The following CDC42BPA variants were observed in gnomAD, a reference collection of about 807,000 sequenced individuals.
The protein encoded by CDC42BPA is CDC42 binding protein kinase alpha.
A neutral mutation model predicts 223.5 loss-of-function variants in CDC42BPA; 80 were observed. The ratio of observed to expected loss-of-function variants is 0.36; its 90% CI spans 0.30 to 0.43. The LOEUF (loss-of-function observed/expected upper bound fraction) is 0.43, where lower values mean the gene tolerates loss of function less well. Among genes scored for constraint, CDC42BPA ranks in the 20% least tolerant of loss-of-function variants. The pLI is 1.00. For missense variants in CDC42BPA, 1,743 were observed against 2,099.9 expected (o/e 0.83, Z 3.32); for synonymous variants, 694 against 718.6 (o/e 0.97, Z 0.55).
chr1:227,072,172 G>T, intron 20 of CDC42BPA, 36 bp downstream of exon 20: 1 of 1,093,520 alleles, frequency 9.1e-7, no homozygotes, highest in Non-Finnish European at 1.4e-6. Context: ...TAACATAACA[G>T]TAAGTCCTGA....
chr1:227,219,030 C>T (rs563086074), intron 2 of CDC42BPA, among the ~76,000 whole-genome samples: 116 of 152,220 alleles, frequency 7.6e-4, no homozygotes, highest in African/African-American at 2.7e-3. Flanking sequence ...ATACAGTATG[C>T]CCACACCAGT....
chr1:227,182,223 C>G (rs1668066416), intron 5 of CDC42BPA, among the ~76,000 whole-genome samples: 1 of 152,296 alleles, frequency 6.6e-6, no homozygotes. Context: ...GTGAATTCAT[C>G]TTATCCCATG....
At chr1:227,275,792 A>C (rs996964348) in intron 1 of CDC42BPA, among the ~76,000 whole-genome samples, 1 of 152,142 alleles carries the variant, frequency 6.6e-6, no homozygotes. Context: ...TTGGTGGAGA[A>C]GGGGTTTCGC....
At chr1:227,031,168 T>C (rs867566416) in intron 28 of CDC42BPA, 130 bp downstream of exon 28, 85 of 681,884 alleles carry the variant, frequency 1.2e-4, no homozygotes, top group African/African-American at 3.1e-4. Flanking sequence ...TCAGTAAACA[T>C]GTACTGAGCA....
At chr1:227,132,587 C>G (rs1657407439) in intron 10 of CDC42BPA, among the ~76,000 whole-genome samples, 2 of 148,070 alleles carry the variant, frequency 1.4e-5, no homozygotes, top group African/African-American at 2.5e-5. Context: ...TCTGCCTGGC[C>G]GCCCATCGTC....
intron 15 of CDC42BPA, among the ~76,000 whole-genome samples, chr1:227,095,600 T>C (rs1207497288): frequency 6.6e-6 from 1 of 150,738 alleles, no homozygotes; most frequent in Non-Finnish European, 1.5e-5. Context: ...TTTTTTTTTT[T>C]TTTTTTTTGA....
chr1:227,070,915 C>T (rs1382307961), intron 20 of CDC42BPA, among the ~76,000 whole-genome samples: 1 of 151,874 alleles, frequency 6.6e-6, no homozygotes, highest in Admixed American at 6.6e-5. Context: ...AAGTCATATT[C>T]TGCACTAGTC....
At chr1:227,114,157 C>T (rs564462785) in intron 12 of CDC42BPA, among the ~76,000 whole-genome samples, 1 of 151,870 alleles carries the variant, frequency 6.6e-6, no homozygotes, top group African/African-American at 2.4e-5. Context: ...AAAAATGACG[C>T]TGGGTAATAC....
intron 2 of CDC42BPA, chr1:227,234,992 T>C (rs1413419787): frequency 2.0e-5 from 3 of 152,088 alleles, no homozygotes; most frequent in African/African-American, 4.8e-5. Context: ...CTTTTTCCAA[T>C]GTGGCCCAAG....
At chr1:227,248,037 T>C (rs1469769747) in intron 2 of CDC42BPA, among the ~76,000 whole-genome samples, 1 of 151,836 alleles carries the variant, frequency 6.6e-6, no homozygotes, top group East Asian at 1.9e-4. Flanking sequence ...AATGGTCTAT[T>C]TGAAAATACA....
At chr1:227,197,079 T>C (rs1670883511) in intron 4 of CDC42BPA, among the ~76,000 whole-genome samples, 3 of 152,194 alleles carry the variant, frequency 2.0e-5, no homozygotes, top group South Asian at 4.1e-4. Context: ...AATTTTTTCA[T>C]AAACTATTGT....
chr1:227,047,885 A>T (rs1558371448), intron 23 of CDC42BPA, 42 bp downstream of exon 23: 1 of 1,218,852 alleles, frequency 8.2e-7, no homozygotes, highest in Non-Finnish European at 1.2e-6. Context: ...GATAAAATTC[A>T]TTTTTTTTGG....
chr1:227,255,917 A>T (rs1038501047), intron 1 of CDC42BPA, among the ~76,000 whole-genome samples: 34 of 152,156 alleles, frequency 2.2e-4, no homozygotes, highest in African/African-American at 8.2e-4. Flanking sequence ...CCCTATCAAA[A>T]TTACAATGGC....
intron 24 of CDC42BPA, among the ~76,000 whole-genome samples, chr1:227,036,321 T>C (rs993558659): frequency 1.3e-5 from 2 of 152,186 alleles, no homozygotes; most frequent in African/African-American, 4.8e-5. Context: ...AGAGAAGGTC[T>C]TGCTATGTTG....
In CDC42BPA at chr1:227,163,069, A is replaced by AAC. The variant is rs1558649678; in HGVS notation, c.600-2434_600-2433insGT. Among the ~76,000 whole-genome samples, 967 of 144,464 alleles carry AAC rather than the reference A, an allele frequency of 6.7e-3. 20 individuals are homozygous for AAC. The highest frequency in any genetic ancestry group is 0.023 in the African/African-American group (886 of 38,298). The allele number at this position is 144,464 out of a possible 152,430, so 94.8% of individuals were successfully genotyped here. ...ACATATGTGTATGTTTCCAAACATA[A>AAC]ATGTGTGTATGTTTCCAAACATGTG... On this transcript the variant is annotated intron_variant, in intron 5 of 36. Transcript: ENST00000366766.
chr1:227,230,717 T>C (rs1677694310), intron 2 of CDC42BPA, among the ~76,000 whole-genome samples: 1 of 152,126 alleles, frequency 6.6e-6, no homozygotes, highest in Non-Finnish European at 1.5e-5. Flanking sequence ...TTTTATCTAT[T>C]GCATCTATAC....
chr1:227,228,346 G>GT (rs1002966420), intron 2 of CDC42BPA, among the ~76,000 whole-genome samples: 1 of 152,138 alleles, frequency 6.6e-6, no homozygotes, highest in African/African-American at 2.4e-5. Context: ...ATTGTAGCAT[G>GT]TATCAGTACT....
intron 15 of CDC42BPA, among the ~76,000 whole-genome samples, chr1:227,097,612 A>G (rs1291407812): frequency 2.0e-4 from 31 of 152,190 alleles, no homozygotes; most frequent in Non-Finnish European, 1.5e-5. Context: ...AAAGCCTGAA[A>G]CTGGTGATCA....
At chr1:227,209,269 G>A (rs1673425913) in intron 3 of CDC42BPA, among the ~76,000 whole-genome samples, 1 of 150,002 alleles carries the variant, frequency 6.7e-6, no homozygotes, top group Non-Finnish European at 1.5e-5. Context: ...GAGACAATGG[G>A]GTTTTCTAGA....
Sources: allele counts gnomAD v4.1 joint callset (sites outside exome capture counted in the v4.1 genomes callset), GRCh38; gene constraint gnomAD v4.1.1; transcripts MANE v1.5; gene names NCBI Gene and HGNC (gene_info 2026-07-23, HGNC 2026-07-21).